The following CACNA1E variants were observed in gnomAD, a reference collection of about 807,000 sequenced individuals.
CACNA1E encodes calcium voltage-gated channel subunit alpha1 E.
CACNA1E carries 40 observed loss-of-function variants against 259.2 expected under a neutral mutation model. The ratio of observed to expected loss-of-function variants is 0.15; its 90% CI spans 0.12 to 0.20. CACNA1E has a LOEUF of 0.20. CACNA1E is among the 10% of genes least tolerant of loss of function. The pLI, the probability that CACNA1E is intolerant of heterozygous loss-of-function variation, is 1.00. For missense variants in CACNA1E, 1,874 were observed against 3,040.1 expected (o/e 0.62, Z 9.02); for synonymous variants, 1,104 against 1,138.5 (o/e 0.97, Z 0.61).
At chr1:181,686,643 C>A (rs1650613244) in intron 7 of CACNA1E, among the ~76,000 whole-genome samples, 1 of 152,178 alleles carries the variant, frequency 6.6e-6, no homozygotes. Context: ...TTCACACTGA[C>A]TTGCTATGGC....
At chr1:181,741,792 A>C (rs1656599850) in intron 25 of CACNA1E, among the ~76,000 whole-genome samples, 1 of 152,162 alleles carries the variant, frequency 6.6e-6, no homozygotes. Context: ...TGGCAGGGGA[A>C]GCCTTAACGG....
chr1:181,737,935 T>A (rs1572751899), intron 23 of CACNA1E, among the ~76,000 whole-genome samples: 1 of 152,172 alleles, frequency 6.6e-6, no homozygotes, highest in Non-Finnish European at 1.5e-5. Context: ...TCATGGATGG[T>A]GTGTGTGAAG....
At chr1:181,438,612 T>C (rs1660242837) in intron 2 of CACNA1E, among the ~76,000 whole-genome samples, 1 of 152,120 alleles carries the variant, frequency 6.6e-6, no homozygotes, top group Non-Finnish European at 1.5e-5. Flanking sequence ...AATATAGAAA[T>C]ACAAATATAA....
At chr1:181,684,838 A>C (rs1212996156) in intron 7 of CACNA1E, among the ~76,000 whole-genome samples, 1 of 149,502 alleles carries the variant, frequency 6.7e-6, no homozygotes, top group Non-Finnish European at 1.5e-5. Flanking sequence ...TTCCCATTCA[A>C]GATGGATGTT....
intron 16 of CACNA1E, 42 bp downstream of exon 16, chr1:181,721,917 C>T: frequency 1.6e-6 from 2 of 1,283,174 alleles, no homozygotes; most frequent in Non-Finnish European, 1.1e-6. Context: ...GCCTGCCTTC[C>T]TGGACCAGCA....
At chr1:181,459,562 G>A (rs1321076117) in intron 2 of CACNA1E, among the ~76,000 whole-genome samples, 4 of 152,178 alleles carry the variant, frequency 2.6e-5, no homozygotes, top group South Asian at 4.1e-4. Flanking sequence ...TGACTGGAGC[G>A]ATGGGGAAGG....
intron 37 of CACNA1E, among the ~76,000 whole-genome samples, chr1:181,774,318 A>G (rs781173031): frequency 1.3e-5 from 2 of 152,218 alleles, no homozygotes; most frequent in Non-Finnish European, 2.9e-5. Context: ...TTGTAAGTGA[A>G]AGGGTCCTGC....
rs147513600 is a variant in CACNA1E at position 181,372,937 on chromosome 1, G to A, written c.-14-40196G>A. Among the ~76,000 whole-genome samples, 1,416 of 151,750 alleles carry A rather than the reference G, an allele frequency of 9.3e-3. 17 individuals are homozygous for A. The highest frequency in any genetic ancestry group is 0.032 in the African/African-American group (1,320 of 41,402). On this transcript the variant is annotated intron_variant, in intron 1 of 11. Coordinates refer to the CACNA1E transcript ENST00000524607. ...TAGTTCTGTTTATGTAATGAATCACGTTTATTGATTTGCATATGTTGAACC... is the reference window on the plus strand; with the variant it reads ...TAGTTCTGTTTATGTAATGAATCACATTTATTGATTTGCATATGTTGAACC...
At chr1:181,624,314 A>G (rs1423274364) in intron 6 of CACNA1E, among the ~76,000 whole-genome samples, 2 of 152,224 alleles carry the variant, frequency 1.3e-5, no homozygotes, top group Non-Finnish European at 2.9e-5. Flanking sequence ...TATAGCAATA[A>G]GAGAAGAATG....
intron 39 of CACNA1E, 58 bp downstream of exon 39, chr1:181,781,581 GTGGGGAGGCCAGAACA>G (rs1288298817): frequency 5.5e-6 from 5 of 904,458 alleles, no homozygotes; most frequent in Non-Finnish European, 8.9e-6. Context: ...GGATCTAGTT[GTGGGGAGGCCAGAACA>G]TGGGGAGGAA....
Position 181,322,219 on chromosome 1 carries a change from G to A in CACNA1E, c.-15+4096G>A, listed in dbSNP as rs1650412349. ...TTCCCAACAAGTGAGGGAGAATTGG[G>A]AAAAGCAGGAAATACAATAGTATAC... On this transcript the variant is annotated intron_variant, in intron 1 of 11. Transcript: ENST00000524607. Among the ~76,000 whole-genome samples the A allele has an allele frequency of 2.0e-5, 3 of 152,098 alleles. No homozygotes were observed. In the South Asian group the frequency reaches 6.2e-4, roughly 32 times the overall value.
chr1:181,522,179 C>A (rs748429334), intron 3 of CACNA1E, among the ~76,000 whole-genome samples: 1 of 152,176 alleles, frequency 6.6e-6, no homozygotes, highest in Non-Finnish European at 1.5e-5. Flanking sequence ...TTCTTGCCCC[C>A]TCCTTCCAAC....
chr1:181,321,333 G>A (rs1262716368), intron 1 of CACNA1E, among the ~76,000 whole-genome samples: 1 of 152,176 alleles, frequency 6.6e-6, no homozygotes, highest in African/African-American at 2.4e-5. Flanking sequence ...CTCACCTCTG[G>A]ATCCCAGTCC....
Position 181,555,082 on chromosome 1 carries a change from C to A in CACNA1E, c.513-22684C>A, listed in dbSNP as rs575239174. 9.8e-5 allele frequency among the ~76,000 whole-genome samples: 15 copies of A among 152,352 alleles called. No homozygotes were observed. In the South Asian group the frequency reaches 2.3e-3, roughly 23 times the overall value. On this transcript the variant is annotated intron_variant, in intron 3 of 47. Coordinates refer to ENST00000367573, the MANE Select transcript of CACNA1E (RefSeq NM_001205293.3). ...GTGCTTCTCAGACTTCAGTTGCAGA[C>A]ACACTTGAGCCATTTTTGTTATTTA...
At chr1:181,378,102 C>T (rs1174921462) in intron 1 of CACNA1E, among the ~76,000 whole-genome samples, 1 of 152,208 alleles carries the variant, frequency 6.6e-6, no homozygotes, top group East Asian at 1.9e-4. Context: ...GAACTTAGCA[C>T]TAGACTTGTT....
At chr1:181,715,749 G>C (rs750364799) in intron 9 of CACNA1E, among the ~76,000 whole-genome samples, 38 of 152,198 alleles carry the variant, frequency 2.5e-4, no homozygotes, top group Admixed American at 1.1e-3. Flanking sequence ...CATTGTAGAT[G>C]AAGAGCCAGG....
intron 1 of CACNA1E, among the ~76,000 whole-genome samples, chr1:181,495,956 T>C (rs1453342558): frequency 6.6e-6 from 1 of 152,256 alleles, no homozygotes; most frequent in Non-Finnish European, 1.5e-5. Flanking sequence ...TCTTGTTTTC[T>C]GTCTTTCATA....
At chr1:181,459,791 C>T (rs1186924786) in intron 2 of CACNA1E, among the ~76,000 whole-genome samples, 3 of 152,150 alleles carry the variant, frequency 2.0e-5, no homozygotes, top group Admixed American at 2.0e-4. Flanking sequence ...CTATTGACAC[C>T]AACTCACGAG....
intron 7 of CACNA1E, among the ~76,000 whole-genome samples, chr1:181,657,940 A>G (rs1659341103): frequency 6.6e-6 from 1 of 152,036 alleles, no homozygotes; most frequent in Non-Finnish European, 1.5e-5. Context: ...AGTACCTACA[A>G]CTCCAATGTG....
Sources: allele counts gnomAD v4.1 joint callset (sites outside exome capture counted in the v4.1 genomes callset), GRCh38; gene constraint gnomAD v4.1.1; transcripts MANE v1.5; gene names NCBI Gene and HGNC (gene_info 2026-07-23, HGNC 2026-07-21).